The following ZNF32 variants were observed in gnomAD, a reference collection of about 807,000 sequenced individuals.
ZNF32 encodes C2H2-546.
Under a neutral mutation model 24.4 loss-of-function variants are expected in ZNF32, and 13 were observed. That is an observed-to-expected ratio of 0.53 (90% confidence interval 0.35 to 0.85). The LOEUF is 0.85. ZNF32 is among the 40% of genes least tolerant of loss of function. The pLI is 0.01. For missense variants in ZNF32, 239 were observed against 325.3 expected, an observed-to-expected ratio of 0.73 and a Z score of 2.04; for synonymous variants, 115 against 117.4, an observed-to-expected ratio of 0.98 and a Z score of 0.13.
At chr10:43,647,956 G>A (rs1223005912) in intron 1 of ZNF32, 3 of 152,190 alleles carry the variant, frequency 2.0e-5, no homozygotes, top group Non-Finnish European at 4.4e-5. Context: ...CAGGTCTGAG[G>A]AAGCAGTTTC....
chr10:43,644,881 G>T lies in ZNF32; in HGVS notation c.71-80C>A. The T allele has an allele frequency of 6.9e-7, 1 of 1,453,128 alleles. No homozygotes were observed. Among genetic ancestry groups the T allele is most frequent in the Non-Finnish European group, 9.2e-7 (1 of 1,082,198 alleles). The allele number at this position is 1,453,128 out of a possible 1,614,324, so 90.0% of individuals were successfully genotyped here. On this transcript the variant is annotated intron_variant, in intron 2 of 2. Transcript: ENST00000374433. The surrounding 1 kb of genome is among the most constrained non-coding windows in gnomAD (Gnocchi z 5.3). Reference sequence around the variant, plus strand: ...TAGGGAAAAAGAAACATAATACTTTGAGTGCTTATGATGTGCCAGGCCTTA... The same window carrying T: ...TAGGGAAAAAGAAACATAATACTTTTAGTGCTTATGATGTGCCAGGCCTTA...
At chr10:43,645,801 T>G (rs1343842638) in intron 2 of ZNF32, 2 of 496,984 alleles carry the variant, frequency 4.0e-6, no homozygotes, top group Non-Finnish European at 6.1e-6. Context: ...CCTTGCCTTA[T>G]TCAGAGACAG....
chr10:43,648,294 G>A lies in ZNF32; in HGVS notation c.-70+508C>T, dbSNP rs1588857193. Among the ~76,000 whole-genome samples, 4 of 152,204 alleles carry A rather than the reference G, an allele frequency of 2.6e-5. No individual in the cohort carries two copies. In the East Asian group the frequency reaches 7.7e-4, roughly 29 times the overall value. On this transcript the variant is annotated intron_variant, in intron 1 of 2. Transcript: ENST00000374433. Reference sequence around the variant, plus strand: ...GATGAGAAGAGGGGTACACTTGGCGGTCTGGAAAATGTCCTGGGGCCAGTT... The same window carrying A: ...GATGAGAAGAGGGGTACACTTGGCGATCTGGAAAATGTCCTGGGGCCAGTT...
rs1344686909 is a variant in ZNF32, at chr10:43,644,066, T to C, written c.806A>G (p.Gln269Arg). Residue 269 changes from glutamine (Q) to arginine (R), a missense_variant, in exon 3 of 3, where the codon CAG becomes CGG. Transcript: ENST00000374433. The surrounding 1 kb of genome is among the most constrained non-coding windows in gnomAD (Gnocchi z 5.3). The part of the protein sequence containing the change: ...SLAVHQRSCS[Q>R]RLTL ...GGAAAGTGGTCAAAGGGTGAGCCTC[T>C]GTGAGCAGCTTCGCTGGTGCACAGC... 1 of 1,613,262 alleles carries C rather than the reference T, an allele frequency of 6.2e-7. No individual in the cohort carries two copies. Among genetic ancestry groups the C allele is most frequent in the Non-Finnish European group, 8.5e-7 (1 of 1,179,624 alleles).
chr10:43,646,252 A>G (rs905766133), intron 1 of ZNF32, 50 bp from the exon 2 acceptor site: 74 of 1,113,292 alleles, frequency 6.6e-5, no homozygotes, highest in Non-Finnish European at 9.1e-5. Flanking sequence ...AGAATAATTG[A>G]TATGTGAGAA....
intron 1 of ZNF32, 67 bp from the exon 2 acceptor site, chr10:43,646,269 A>C: frequency 1.1e-6 from 1 of 948,544 alleles, no homozygotes; most frequent in Middle Eastern, 2.2e-4. Context: ...AGAAGGAAAA[A>C]GTCAACAGTT....
rs1208143234 is a variant in ZNF32 at position 43,644,257 on chromosome 10, A to G, written c.615T>C (p.Ile205=). Residue 205 remains isoleucine, a synonymous_variant, in exon 3 of 3, where the codon ATT becomes ATC. Transcript: ENST00000374433. This position sits in a 1 kb window ranked among gnomAD's most constrained non-coding sequence, Gnocchi z 5.3. ...GKAFSQKGSL[I]VHIRVHTGLK... ...GGCCTGTGTGGACTCTGATGTGAAC[A>G]ATTAAGCTTCCTTTCTGACTGAAGG... The G allele has an allele frequency of 1.2e-6, 2 of 1,614,204 alleles. No individual in the cohort carries two copies. Among genetic ancestry groups the G allele is most frequent in the African/African-American group, 2.7e-5 (2 of 75,060 alleles).
chr10:43,644,770 GT>G lies in ZNF32; in HGVS notation c.101del (p.Asp34AlafsTer39). 6.2e-7 allele frequency: 1 copy of G among 1,609,476 alleles called. No individual in the cohort carries two copies. Among genetic ancestry groups the G allele is most frequent in the Non-Finnish European group, 8.5e-7 (1 of 1,178,158 alleles). On this transcript the variant is annotated frameshift_variant, in exon 3 of 3. Coordinates refer to ENST00000374433, the MANE Select transcript of ZNF32 (RefSeq NM_006973.3). LOFTEE classifies it high-confidence loss of function. The surrounding 1 kb of genome is among the most constrained non-coding windows in gnomAD (Gnocchi z 5.3). The stretch of plus-strand genomic sequence containing the variant: ...TTGAGGATCCTGTAGCCTCAGAGTG[GT>G]CATATTTGTGGTGGGCTTCAGTCAT... ...NVMTEAHHKYDHSEATGSSSW... is the reference protein window; with the variant it reads ...NVMTEAHHKYXHSEATGSSSW...
At chr10:43,646,234 G>C in intron 1 of ZNF32, 32 bp from the exon 2 acceptor site, 2 of 1,309,184 alleles carry the variant, frequency 1.5e-6, no homozygotes, top group East Asian at 4.9e-5. Flanking sequence ...AAACAAACAG[G>C]AAAGGGCAGA....
At chr10:43,647,448 G>A (rs570681128) in intron 1 of ZNF32, 1 of 152,226 alleles carries the variant, frequency 6.6e-6, no homozygotes, top group East Asian at 1.9e-4. Flanking sequence ...ATACTTTTAA[G>A]AAATGCAGTG....
chr10:43,646,205 G>A lies in ZNF32; in HGVS notation c.-69-3C>T. ...TTCCATGGGCTGTTCCTGAGCACCT[G>A]AGGGAGAAAAACAAACAGAAACAAA... On this transcript the variant is annotated splice_polypyrimidine_tract_variant and splice_region_variant and intron_variant, in intron 1 of 2. Transcript: ENST00000374433. 2 of 1,552,678 alleles carry A rather than the reference G, an allele frequency of 1.3e-6. No individual in the cohort carries two copies. Among genetic ancestry groups the A allele is most frequent in the Non-Finnish European group, 1.8e-6 (2 of 1,137,116 alleles).
rs1483508124 is a variant in ZNF32, at chr10:43,643,944, C to T, written c.*106G>A. The stretch of plus-strand genomic sequence containing the variant: ...TCAGTTTGCCCTACCCAATGATGGT[C>T]TTTCTGAAAGATTCTCCATTCATTC... On this transcript the variant is annotated 3_prime_UTR_variant, in exon 3 of 3. Transcript: ENST00000374433. The T allele has an allele frequency of 1.5e-6, 2 of 1,300,464 alleles. No individual in the cohort carries two copies. Among genetic ancestry groups the T allele is most frequent in the African/African-American group, 3.0e-5 (2 of 67,344 alleles). 80.6% of individuals were successfully genotyped at this position (1,300,464 alleles called of 1,614,324 possible).
At chr10:43,645,082 G>GT (rs1839238701) in intron 2 of ZNF32, 2 of 282,456 alleles carry the variant, frequency 7.1e-6, no homozygotes, top group Non-Finnish European at 1.3e-5. Flanking sequence ...AAATAACCTT[G>GT]TAAGATAGAC....
intron 1 of ZNF32, chr10:43,647,871 G>A (rs1433379874): frequency 6.6e-6 from 1 of 152,160 alleles, no homozygotes; most frequent in Admixed American, 6.5e-5. Flanking sequence ...AGGTCTTCAA[G>A]TTACAACTCC....
intron 2 of ZNF32, 26 bp downstream of exon 2, chr10:43,646,038 A>G: frequency 6.2e-7 from 1 of 1,613,766 alleles, no homozygotes; most frequent in East Asian, 2.2e-5. Context: ...AGCTGAGCGC[A>G]TCCAGCCATC....
Position 43,644,891 on chromosome 10 carries a change from G to A in ZNF32, c.71-90C>T, listed in dbSNP as rs962113442. On this transcript the variant is annotated intron_variant, in intron 2 of 2. Coordinates refer to ENST00000374433, the MANE Select transcript of ZNF32 (RefSeq NM_006973.3). This position sits in a 1 kb window ranked among gnomAD's most constrained non-coding sequence, Gnocchi z 5.3. ...GAAACATAATACTTTGAGTGCTTAT[G>A]ATGTGCCAGGCCTTATTCTTTGCAT... 1.2e-5 allele frequency: 17 copies of A among 1,391,022 alleles called. No individual in the cohort carries two copies. The highest frequency in any genetic ancestry group is 2.9e-5 in the African/African-American group (2 of 68,814). 86.2% of individuals were successfully genotyped at this position (1,391,022 alleles called of 1,614,324 possible).
At chr10:43,646,313 T>G in intron 1 of ZNF32, 111 bp from the exon 2 acceptor site, 1 of 674,854 alleles carries the variant, frequency 1.5e-6, no homozygotes. Context: ...AAACCTAGAT[T>G]GTTTGACATA....
Position 43,643,927 on chromosome 10 carries a change from C to T in ZNF32, c.*123G>A. ...GGGGGAAAGGAAAAAAATCAGTTTG[C>T]CCTACCCAATGATGGTCTTTCTGAA... On this transcript the variant is annotated 3_prime_UTR_variant, in exon 3 of 3. Coordinates refer to ENST00000374433, the MANE Select transcript of ZNF32 (RefSeq NM_006973.3). 2.8e-6 allele frequency: 3 copies of T among 1,089,264 alleles called. No homozygotes were observed. The highest frequency in any genetic ancestry group is 3.8e-6 in the Non-Finnish European group (3 of 787,032). The allele number at this position is 1,089,264 out of a possible 1,614,324, so 67.5% of individuals were successfully genotyped here. A position where few individuals can be genotyped will look rare whatever the true frequency, so the allele number is the denominator to read the frequency against.
chr10:43,648,504 G>C (rs1346221734), intron 1 of ZNF32: 1 of 152,032 alleles, frequency 6.6e-6, no homozygotes, highest in Admixed American at 6.5e-5. Flanking sequence ...CGACGCCATG[G>C]GCCCTGCTCC....
Sources: allele counts gnomAD v4.1 joint callset (sites outside exome capture counted in the v4.1 genomes callset), GRCh38; gene constraint gnomAD v4.1.1; non-coding constraint Gnocchi (gnomAD v3.1); transcripts MANE v1.5; gene names NCBI Gene and HGNC (gene_info 2026-07-23, HGNC 2026-07-21).